Variants in CAMKMT observed in about 807,000 individuals in gnomAD.
CAMKMT encodes the protein calmodulin-lysine N-methyltransferase.
Under a neutral mutation model 48.0 loss-of-function variants are expected in CAMKMT, and 53 were observed. The ratio of observed to expected loss-of-function variants is 1.10; its 90% CI spans 0.89 to 1.39. CAMKMT has a LOEUF of 1.39. Ranked by LOEUF, CAMKMT falls within the 40% of genes most tolerant of loss-of-function variation. The pLI is 0.00. For missense variants in CAMKMT, 428 were observed against 402.7 expected (o/e 1.06, Z -0.54); for synonymous variants, 165 against 152.3 (o/e 1.08, Z -0.61).
chr2:44,580,659 G>C (rs1321760846), intron 3 of CAMKMT, among the ~76,000 whole-genome samples: 3 of 152,146 alleles, frequency 2.0e-5, no homozygotes, highest in Admixed American at 1.3e-4. Flanking sequence ...GATGCTGTTT[G>C]TTGATATCTA....
At chr2:44,397,091 A>G (rs1260219276) in intron 3 of CAMKMT, among the ~76,000 whole-genome samples, 2 of 151,376 alleles carry the variant, frequency 1.3e-5, no homozygotes, top group Non-Finnish European at 2.9e-5. Context: ...AGTACACAAT[A>G]TTTTGTTTTA....
At chr2:44,537,142 CA>C (rs1178847003) in intron 3 of CAMKMT, among the ~76,000 whole-genome samples, 42 of 152,026 alleles carry the variant, frequency 2.8e-4, no homozygotes, top group Non-Finnish European at 5.9e-5. Flanking sequence ...GCATAGACAA[CA>C]AAAACAAAAA....
At chr2:44,592,501 A>G (rs911608672) in intron 3 of CAMKMT, among the ~76,000 whole-genome samples, 3 of 152,104 alleles carry the variant, frequency 2.0e-5, no homozygotes, top group Admixed American at 2.0e-4. Context: ...AATGGTCCTC[A>G]GTGCTTGGGT....
chr2:44,542,594 G>A (rs993329867), intron 3 of CAMKMT, among the ~76,000 whole-genome samples: 2 of 151,314 alleles, frequency 1.3e-5, no homozygotes, highest in African/African-American at 4.9e-5. Context: ...CTATACATGT[G>A]TAAAGAAACT....
intron 3 of CAMKMT, among the ~76,000 whole-genome samples, chr2:44,454,343 G>A (rs975709133): frequency 1.3e-5 from 2 of 152,022 alleles, no homozygotes; most frequent in Admixed American, 6.6e-5. Context: ...ATTACTCAAC[G>A]AAATCTGGGT....
At chr2:44,447,503 C>A (rs1289717610) in intron 3 of CAMKMT, among the ~76,000 whole-genome samples, 1 of 152,174 alleles carries the variant, frequency 6.6e-6, no homozygotes, top group East Asian at 1.9e-4. Context: ...GCCCATCCCC[C>A]CCAACCTCAG....
chr2:44,690,598 T>C (rs569164279), intron 3 of CAMKMT, among the ~76,000 whole-genome samples: 1 of 152,314 alleles, frequency 6.6e-6, no homozygotes, highest in East Asian at 1.9e-4. Context: ...GGGGTTGTTT[T>C]AAGGATTAAA....
chr2:44,517,375 A>G (rs1670885355), intron 3 of CAMKMT, among the ~76,000 whole-genome samples: 1 of 152,244 alleles, frequency 6.6e-6, no homozygotes, highest in Non-Finnish European at 1.5e-5. Context: ...TAGGTAAAAT[A>G]CAGCAATAAT....
intron 3 of CAMKMT, among the ~76,000 whole-genome samples, chr2:44,521,814 C>T (rs1050743806): frequency 1.3e-5 from 2 of 151,952 alleles, no homozygotes; most frequent in Non-Finnish European, 2.9e-5. Context: ...AGGGTTGTAC[C>T]ATTGCTCTCC....
In CAMKMT at chr2:44,757,196, G is replaced by A. The variant is rs144815787; in HGVS notation, c.762+3078G>A. On this transcript the variant is annotated intron_variant, in intron 9 of 10. Coordinates refer to ENST00000378494, the MANE Select transcript of CAMKMT (RefSeq NM_024766.5). Reference sequence around the variant, plus strand: ...TCCACATGAGATGTTTATCCAGGGGGATGCTGGCTTGGCTGATGGGATGCC... The same window carrying A: ...TCCACATGAGATGTTTATCCAGGGGAATGCTGGCTTGGCTGATGGGATGCC... Among the ~76,000 whole-genome samples the A allele has an allele frequency of 4.2e-3, 634 of 152,318 alleles. 3 individuals carry two copies. The highest frequency in any genetic ancestry group is 0.014 in the African/African-American group (601 of 41,564).
chr2:44,397,927 C>T (rs1236048232), intron 3 of CAMKMT, among the ~76,000 whole-genome samples: 1 of 152,134 alleles, frequency 6.6e-6, no homozygotes, highest in Non-Finnish European at 1.5e-5. Flanking sequence ...CATAAACCTG[C>T]TAGTTTCTCC....
At chr2:44,408,289 T>C (rs1682924514) in intron 3 of CAMKMT, among the ~76,000 whole-genome samples, 1 of 151,894 alleles carries the variant, frequency 6.6e-6, no homozygotes, top group Non-Finnish European at 1.5e-5. Context: ...CTCCCAAAGT[T>C]CTGGGATTAC....
At chr2:44,728,927 T>A (rs1487650326) in intron 7 of CAMKMT, among the ~76,000 whole-genome samples, 3 of 146,852 alleles carry the variant, frequency 2.0e-5, no homozygotes, top group Non-Finnish European at 4.5e-5. Flanking sequence ...TGGGTGGTGG[T>A]TAGAAGGGTG....
In CAMKMT at chr2:44,572,409, C is replaced by T. The variant is rs541435576; in HGVS notation, c.377-131874C>T. On this transcript the variant is annotated intron_variant, in intron 3 of 10. Coordinates refer to ENST00000378494, the MANE Select transcript of CAMKMT (RefSeq NM_024766.5). ...GTCCTTTAGTGAATGACTTAATTCA[C>T]TTGAGATAATGGCATCAAGATTCAT... Among the ~76,000 whole-genome samples, 25 of 152,282 alleles carry T rather than the reference C, an allele frequency of 1.6e-4. No individual in the cohort carries two copies. In the South Asian group the frequency reaches 3.5e-3, roughly 22 times the overall value.
intron 9 of CAMKMT, among the ~76,000 whole-genome samples, chr2:44,765,110 T>C (rs1680782752): frequency 1.3e-5 from 2 of 151,840 alleles, no homozygotes; most frequent in African/African-American, 4.8e-5. Context: ...TGCCTGTAAT[T>C]CCAGCTACTC....
intron 3 of CAMKMT, among the ~76,000 whole-genome samples, chr2:44,557,670 C>G (rs1277263148): frequency 2.0e-5 from 3 of 152,180 alleles, no homozygotes; most frequent in African/African-American, 7.2e-5. Context: ...AAAAAGGTTT[C>G]TAAATAAATA....
chr2:44,510,961 C>T (rs1417300564), intron 3 of CAMKMT, among the ~76,000 whole-genome samples: 1 of 152,088 alleles, frequency 6.6e-6, no homozygotes, highest in East Asian at 1.9e-4. Flanking sequence ...CTGCCTCAGC[C>T]TCCCAAGTAG....
intron 3 of CAMKMT, among the ~76,000 whole-genome samples, chr2:44,617,621 C>G (rs1323172697): frequency 6.6e-6 from 1 of 152,208 alleles, no homozygotes; most frequent in African/African-American, 2.4e-5. Flanking sequence ...ATAGTTTATA[C>G]TGCACGATGG....
chr2:44,602,224 C>T (rs1671038132), intron 3 of CAMKMT, among the ~76,000 whole-genome samples: 1 of 151,968 alleles, frequency 6.6e-6, no homozygotes, highest in Admixed American at 6.6e-5. Flanking sequence ...CAGTCTCGAA[C>T]TCCTGAGCTC....
Sources: allele counts gnomAD v4.1 joint callset (sites outside exome capture counted in the v4.1 genomes callset), GRCh38; gene constraint gnomAD v4.1.1; transcripts MANE v1.5; gene names NCBI Gene and HGNC (gene_info 2026-07-23, HGNC 2026-07-21).